The following TIMELESS variants were observed in gnomAD, a reference collection of about 807,000 sequenced individuals.
TIMELESS encodes timeless circadian regulator.
Under a neutral mutation model 164.3 loss-of-function variants are expected in TIMELESS, and 124 were observed. The observed-to-expected ratio is 0.75, with a 90% confidence interval of 0.65 to 0.88. TIMELESS has a LOEUF of 0.88. Ranked by LOEUF, TIMELESS falls within the 40% of genes least tolerant of loss-of-function variation. TIMELESS has a pLI of 0.00. For missense variants in TIMELESS, 1,422 were observed against 1,491.4 expected (o/e 0.95, Z 0.77); for synonymous variants, 564 against 563.4 (o/e 1.00, Z -0.02).
intron 23 of TIMELESS, 82 bp downstream of exon 23, chr12:56,421,269 G>A (rs1881473698): frequency 6.3e-7 from 1 of 1,582,574 alleles, no homozygotes. Context: ...GCCTCAGGCA[G>A]GAAGAATCCA....
Position 56,420,886 on chromosome 12 carries a change from G to A in TIMELESS, c.3041-5C>T. 1 of 1,614,102 alleles carries A rather than the reference G, an allele frequency of 6.2e-7. No homozygotes were observed. Among genetic ancestry groups the A allele is most frequent in the Non-Finnish European group, 8.5e-7 (1 of 1,180,008 alleles). On this transcript the variant is annotated splice_polypyrimidine_tract_variant and splice_region_variant and intron_variant, in intron 24 of 28. Coordinates refer to ENST00000553532, the MANE Select transcript of TIMELESS (RefSeq NM_003920.5). Reference sequence around the variant, plus strand: ...ATAGGAGCGGGATAGAAAAGCCTAAGGAAATGAGGGAAACTTACATTTGAC... The same window carrying A: ...ATAGGAGCGGGATAGAAAAGCCTAAAGAAATGAGGGAAACTTACATTTGAC...
At position 56,437,569 on chromosome 12, in the gene TIMELESS, G is replaced by T. The variant is rs868002375; in HGVS notation, c.-61-3338C>A. Among the ~76,000 whole-genome samples the T allele has an allele frequency of 7.9e-5, 12 of 152,018 alleles. No homozygotes were observed. In the South Asian group the frequency reaches 2.5e-3, roughly 32 times the overall value. On this transcript the variant is annotated intron_variant, in intron 1 of 28. Coordinates refer to ENST00000553532, the MANE Select transcript of TIMELESS (RefSeq NM_003920.5). ...TAAAGGGAATTTAAAGTTGGATAAA[G>T]GGCAGAATGAGTAAGAACATGAGAG... is the stretch of plus-strand genomic sequence containing the variant.
At chr12:56,432,219 T>G in intron 7 of TIMELESS, 150 bp downstream of exon 7, 1 of 804,912 alleles carries the variant, frequency 1.2e-6, no homozygotes. Flanking sequence ...AAACCATGAA[T>G]AAGGGGGTAC....
chr12:56,425,636 AAGCCTAGGCAGGTGGATCG>A (rs1266681867), intron 13 of TIMELESS, among the ~76,000 whole-genome samples: 1 of 152,202 alleles, frequency 6.6e-6, no homozygotes, highest in African/African-American at 2.4e-5. Context: ...ACACTTTGGG[AAGCCTAGGCAGGTGGATCG>A]CTTGAGGTCA....
chr12:56,429,203 ATT>A (rs371281887), intron 10 of TIMELESS, 103 bp from the exon 11 acceptor site: 775 of 917,682 alleles, frequency 8.4e-4, no homozygotes, highest in Middle Eastern at 1.1e-3. Context: ...CACCGTCATA[ATT>A]TTTTTTTTTT....
chr12:56,430,881 G>A lies in TIMELESS; in HGVS notation c.909C>T (p.Asn303=), dbSNP rs143671016. Residue 303 remains asparagine, a splice_region_variant and synonymous_variant, in exon 9 of 29, where the codon AAC becomes AAT. Transcript: ENST00000553532. The part of the protein sequence containing the change: ...RDLIFHKGLH[N]LRNYSSDLGK... The stretch of plus-strand genomic sequence containing the variant: ...CCACTCCAGATGTAAGAATACTCAC[G>A]TTGTGAAGGCCTTTGTGAAAGATGA... 5.7e-4 allele frequency: 901 copies of A among 1,589,060 alleles called. 5 individuals are homozygous for A. In the African/African-American group the frequency reaches 0.011, roughly 19 times the overall value.
At chr12:56,440,894 T>C (rs1046628608) in intron 1 of TIMELESS, among the ~76,000 whole-genome samples, 9 of 152,220 alleles carry the variant, frequency 5.9e-5, no homozygotes, top group Admixed American at 4.6e-4. Context: ...CTTGGCTCAC[T>C]GTAACCTCTG....
At chr12:56,445,746 A>AAACCTAGGAG (rs1360298200) in intron 1 of TIMELESS, among the ~76,000 whole-genome samples, 1 of 151,718 alleles carries the variant, frequency 6.6e-6, no homozygotes, top group Non-Finnish European at 1.5e-5. Flanking sequence ...AAAAAAAAAG[A>AAACCTAGGAG]AACCTAGGAG....
chr12:56,448,465 G>A (rs1172530369), intron 1 of TIMELESS, among the ~76,000 whole-genome samples: 1 of 147,382 alleles, frequency 6.8e-6, no homozygotes, highest in Non-Finnish European at 1.5e-5. Flanking sequence ...GGTGGCTCAC[G>A]CCTATAATCC....
At chr12:56,432,989 A>C in intron 6 of TIMELESS, 37 bp downstream of exon 6, 1 of 1,476,304 alleles carries the variant, frequency 6.8e-7, no homozygotes, top group Non-Finnish European at 9.4e-7. Flanking sequence ...GCTCAACCTA[A>C]CCATGCACAA....
Position 56,430,274 on chromosome 12 carries a change from T to A in TIMELESS, c.917A>T (p.Asn306Ile). ...IFHKGLHNLR[N>I]YSSDLGKQPK... Reference sequence around the variant, plus strand: ...CTGCTTTCCCAAATCTGAACTGTAGTTTCGTAGCTGGGTGTGTCGGTTGGG... The same window carrying A: ...CTGCTTTCCCAAATCTGAACTGTAGATTCGTAGCTGGGTGTGTCGGTTGGG... Residue 306 changes from asparagine (N) to isoleucine (I), a missense_variant, in exon 10 of 29, where the codon AAC (asparagine) becomes ATC (isoleucine). Asn to Ile is a moderately radical substitution (Grantham distance 149). Coordinates refer to ENST00000553532, the MANE Select transcript of TIMELESS (RefSeq NM_003920.5). 3 of 1,612,562 alleles carry A rather than the reference T, an allele frequency of 1.9e-6. No individual in the cohort carries two copies. Among genetic ancestry groups the A allele is most frequent in the Non-Finnish European group, 2.5e-6 (3 of 1,179,258 alleles).
chr12:56,426,088 C>T (rs190962830), intron 13 of TIMELESS, among the ~76,000 whole-genome samples: 226 of 152,156 alleles, frequency 1.5e-3, no homozygotes, highest in Admixed American at 3.2e-3. Flanking sequence ...TGGAGTCCAG[C>T]AGATCTGGAT....
Position 56,449,404 on chromosome 12 carries a change from C to T in TIMELESS, c.-156G>A, listed in dbSNP as rs1868498734. On this transcript the variant is annotated 5_prime_UTR_variant, in exon 1 of 29. Coordinates refer to ENST00000553532, the MANE Select transcript of TIMELESS (RefSeq NM_003920.5). ...GCCACCAGGCTCAGCTGGACCGGTC[C>T]CCGCCTGCGCGAAGAGCGAGGCGGG... 1 of 152,162 alleles carries T rather than the reference C, an allele frequency of 6.6e-6. No individual in the cohort carries two copies. Among genetic ancestry groups the T allele is most frequent in the Admixed American group, 6.5e-5 (1 of 15,290 alleles). The allele number at this position is 152,162 out of a possible 1,614,324, so 9.4% of individuals were successfully genotyped here.
In TIMELESS at chr12:56,422,096, G is replaced by C. The variant is rs749333402; in HGVS notation, c.2524+10C>G. ...TCCTCATAAACTCTCCAGATCCCAA[G>C]GCCTCTCACCTTCCACGTCCTTATT... On this transcript the variant is annotated intron_variant, in intron 20 of 28. Transcript: ENST00000553532. The C allele has an allele frequency of 6.2e-7, 1 of 1,614,048 alleles. No homozygotes were observed. The highest frequency in any genetic ancestry group is 1.3e-5 in the African/African-American group (1 of 75,030).
chr12:56,421,288 G>A, intron 23 of TIMELESS, 63 bp downstream of exon 23: 1 of 1,589,998 alleles, frequency 6.3e-7, no homozygotes. Flanking sequence ...CAGGTGGACT[G>A]CTCCTAAGGA....
In TIMELESS at chr12:56,432,465, G is replaced by T. The variant is rs761739032; in HGVS notation, c.591C>A (p.Gly197=). The change falls in exon 7 of 29, where the codon GGC becomes GGA. Residue 197 remains glycine (G), a synonymous_variant. Coordinates refer to ENST00000553532, the MANE Select transcript of TIMELESS (RefSeq NM_003920.5). ...DQLLWAIHLS[G]LDDLLLFLAS... is the part of the protein sequence containing the mutation. ...CCAGAAAGAGGAGCAGGTCATCCAG[G>T]CCGCTGAGGTGAATCGCCCAGAGGA... 9.4e-5 allele frequency: 151 copies of T among 1,614,078 alleles called. No homozygotes were observed. Among genetic ancestry groups the T allele is most frequent in the Non-Finnish European group, 1.7e-6 (2 of 1,180,032 alleles).
At chr12:56,445,279 G>A (rs1868332691) in intron 1 of TIMELESS, among the ~76,000 whole-genome samples, 1 of 151,154 alleles carries the variant, frequency 6.6e-6, no homozygotes, top group African/African-American at 2.4e-5. Context: ...TACAAAATTA[G>A]CTGGGTGTGG....
intron 15 of TIMELESS, among the ~76,000 whole-genome samples, 181 bp from the exon 16 acceptor site, chr12:56,424,075 A>G (rs1246505154): frequency 6.6e-6 from 1 of 152,252 alleles, no homozygotes; most frequent in Admixed American, 6.5e-5. Flanking sequence ...CAATTCAATA[A>G]AAACCAGCTA....
intron 26 of TIMELESS, among the ~76,000 whole-genome samples, chr12:56,420,048 A>ATATATATATATATATATATGTG (rs1473074484): frequency 1.0e-4 from 9 of 87,328 alleles, no homozygotes; most frequent in Admixed American, 1.6e-4. Context: ...ATATATATAT[A>ATATATATATATATATATATGTG]TGTGTGTGTG....
Sources: gnomAD v4.1 joint callset for allele counts (sites outside exome capture counted in the v4.1 genomes callset) on GRCh38, gnomAD v4.1.1 for gene constraint, MANE v1.5 for transcripts, NCBI Gene and HGNC (gene_info 2026-07-23, HGNC 2026-07-21) for gene names.